FAM178B: variants seen among roughly 807,000 people sequenced by gnomAD.
The protein encoded by FAM178B is family with sequence similarity 178 member B.
FAM178B carries 82 observed loss-of-function variants against 91.7 expected under a neutral mutation model. The observed-to-expected ratio is 0.89, with a 90% CI of 0.75 to 1.07. The LOEUF (loss-of-function observed/expected upper bound fraction) is 1.07. Ranked by LOEUF, FAM178B falls within the 50% of genes least tolerant of loss-of-function variation. The pLI, the probability that FAM178B is intolerant of heterozygous loss-of-function variation, is 0.00. For synonymous variants in FAM178B, 368 were observed against 359.4 expected (o/e 1.02, Z -0.27); for missense variants, 769 against 846.7 (o/e 0.91, Z 1.14).
At chr2:96,934,811 T>C (rs2081598049) in intron 8 of FAM178B, among the ~76,000 whole-genome samples, 2 of 152,074 alleles carry the variant, frequency 1.3e-5, no homozygotes, top group Admixed American at 6.6e-5. Flanking sequence ...GCTCTGAGGG[T>C]GCCTTTCTTT....
chr2:96,932,784 A>G (rs2081561697), intron 8 of FAM178B, among the ~76,000 whole-genome samples: 1 of 151,350 alleles, frequency 6.6e-6, no homozygotes, highest in Non-Finnish European at 1.5e-5. Context: ...CTAAAAATAC[A>G]AAAAAATTAG....
rs749570709 is a variant in FAM178B, at chr2:96,972,123, G to A, written c.342C>T (p.Pro114=). The part of the protein sequence containing the change: ...ETFPTDWSPP[P]VEFLNPRVLQ... ...GCACCCTCGGGTTGAGGAATTCCAC[G>A]GGCGGGGGGCTCCAGTCAGTGGGAA... is the stretch of plus-strand genomic sequence containing the variant. The change falls in exon 3 of 17, where the codon CCC becomes CCT. Residue 114 remains proline, a synonymous_variant. Coordinates refer to ENST00000490605, the MANE Select transcript of FAM178B (RefSeq NM_001122646.3). 7.5e-5 allele frequency: 115 copies of A among 1,525,002 alleles called. No homozygotes were observed. The highest frequency in any genetic ancestry group is 8.7e-5 in the Non-Finnish European group (99 of 1,134,350). 94.5% of individuals were successfully genotyped at this position (1,525,002 alleles called of 1,614,324 possible).
intron 6 of FAM178B, 92 bp downstream of exon 6, chr2:96,960,196 C>A: frequency 7.1e-7 from 1 of 1,415,624 alleles, no homozygotes; most frequent in Non-Finnish European, 9.5e-7. Flanking sequence ...CTTCGAACTT[C>A]CCCCTTTGGG....
intron 9 of FAM178B, among the ~76,000 whole-genome samples, chr2:96,927,885 T>C (rs1204713610): frequency 2.0e-5 from 3 of 152,204 alleles, no homozygotes; most frequent in Admixed American, 6.5e-5. Flanking sequence ...GACGTTCATT[T>C]GTCTTTCTGA....
chr2:96,950,794 G>A (rs113852971), intron 7 of FAM178B, among the ~76,000 whole-genome samples: 4 of 152,214 alleles, frequency 2.6e-5, no homozygotes, highest in Non-Finnish European at 4.4e-5. Flanking sequence ...AGCACAGCCA[G>A]AGCAGCCGTT....
chr2:96,876,678 G>C (rs1038927306), intron 16 of FAM178B, among the ~76,000 whole-genome samples: 3 of 152,138 alleles, frequency 2.0e-5, no homozygotes, highest in Non-Finnish European at 4.4e-5. Context: ...CCTGTGGCCA[G>C]TGTGTCAGAC....
chr2:96,928,577 A>G (rs1183760348), intron 9 of FAM178B, among the ~76,000 whole-genome samples: 1 of 152,138 alleles, frequency 6.6e-6, no homozygotes. Flanking sequence ...GGGCCAAACA[A>G]GCGGCTTGAA....
Position 96,923,593 on chromosome 2 carries a change from G to C in FAM178B, c.1194-10C>G. 1 of 1,549,812 alleles carries C rather than the reference G, an allele frequency of 6.5e-7. No homozygotes were observed. Among genetic ancestry groups the C allele is most frequent in the Non-Finnish European group, 8.7e-7 (1 of 1,145,314 alleles). On this transcript the variant is annotated splice_polypyrimidine_tract_variant and intron_variant, in intron 9 of 16. Coordinates refer to ENST00000490605, the MANE Select transcript of FAM178B (RefSeq NM_001122646.3). ...CTCGCCTGGAAGCACCCTGTGGTAA[G>C]ACAACAACAGTGACGATGGGAAACC...
chr2:96,897,464 T>G (rs1268125684), intron 13 of FAM178B, among the ~76,000 whole-genome samples: 1 of 152,236 alleles, frequency 6.6e-6, no homozygotes, highest in African/African-American at 2.4e-5. Flanking sequence ...AGGTTTACTG[T>G]GTTGCAAGAA....
At chr2:96,909,363 C>T (rs1226654006) in intron 12 of FAM178B, among the ~76,000 whole-genome samples, 8 of 152,134 alleles carry the variant, frequency 5.3e-5, no homozygotes, top group African/African-American at 1.9e-4. Flanking sequence ...CCTTCTGGGA[C>T]TTCCACTCAA....
In FAM178B at chr2:96,986,524, A is replaced by T. The variant is rs1488678320; in HGVS notation, c.-211T>A. ...GGGGATTGAGTTCCGACTCCAAACC[A>T]AGCGGCCAGCTCACAGCCGCCGCCG... is the stretch of plus-strand genomic sequence containing the variant. On this transcript the variant is annotated 5_prime_UTR_variant, in exon 1 of 17. Coordinates refer to ENST00000490605, the MANE Select transcript of FAM178B (RefSeq NM_001122646.3). 2.5e-5 allele frequency: 15 copies of T among 595,578 alleles called. No homozygotes were observed. In the Admixed American group the frequency reaches 5.0e-4, roughly 20 times the overall value. 36.9% of individuals were successfully genotyped at this position (595,578 alleles called of 1,614,324 possible). A position where few individuals can be genotyped will look rare whatever the true frequency, so the allele number is the denominator to read the frequency against.
chr2:96,974,881 A>C (rs1388778958), intron 1 of FAM178B, among the ~76,000 whole-genome samples: 3 of 152,028 alleles, frequency 2.0e-5, no homozygotes, highest in Non-Finnish European at 4.4e-5. Context: ...ACTTGAGGTC[A>C]AGAGTTCGAG....
rs747969562 is a variant in FAM178B at position 96,972,340 on chromosome 2, T to A, written c.143-18A>T. The A allele has an allele frequency of 1.6e-5, 24 of 1,467,872 alleles. No individual in the cohort carries two copies. The highest frequency in any genetic ancestry group is 2.1e-5 in the Non-Finnish European group (23 of 1,106,598). 90.9% of individuals were successfully genotyped at this position (1,467,872 alleles called of 1,614,324 possible). A position where few individuals can be genotyped will look rare whatever the true frequency, so the allele number is the denominator to read the frequency against. On this transcript the variant is annotated intron_variant, in intron 2 of 16. Coordinates refer to ENST00000490605, the MANE Select transcript of FAM178B (RefSeq NM_001122646.3). ...CTGCACCCCTGCAGACAGGACAGAA[T>A]ACTGTGGTCCCTCTGCCCACCTGCC... is the stretch of plus-strand genomic sequence containing the variant.
Position 96,986,535 on chromosome 2 carries a change from T to TCACAGC in FAM178B, c.-228_-223dup. ...TCCGACTCCAAACCAAGCGGCCAGC[T>TCACAGC]CACAGCCGCCGCCGCCGCCAGCTGG... On this transcript the variant is annotated 5_prime_UTR_variant, in exon 1 of 17. Transcript: ENST00000490605. 3.5e-6 allele frequency: 2 copies of TCACAGC among 566,954 alleles called. No homozygotes were observed. Among genetic ancestry groups the TCACAGC allele is most frequent in the South Asian group, 2.1e-5 (1 of 47,138 alleles). The allele number at this position is 566,954 out of a possible 1,614,324, so 35.1% of individuals were successfully genotyped here. A position where few individuals can be genotyped will look rare whatever the true frequency, so the allele number is the denominator to read the frequency against.
chr2:96,893,962 C>T lies in FAM178B; in HGVS notation c.1740G>A (p.Glu580=), dbSNP rs2080745810. Residue 580 remains glutamate (E), a synonymous_variant, in exon 14 of 17, where the codon GAG becomes GAA. Coordinates refer to ENST00000490605, the MANE Select transcript of FAM178B (RefSeq NM_001122646.3). The part of the protein sequence containing the change: ...LDSVPLPPCQ[E]QQPKASAELD... ...GCTCGGCACTAGCCTTTGGCTGTTG[C>T]TCCTGGCAGGGTGGCAAGGGCACAG... The T allele has an allele frequency of 1.9e-6, 3 of 1,612,910 alleles. No homozygotes were observed. Among genetic ancestry groups the T allele is most frequent in the South Asian group, 2.2e-5 (2 of 91,078 alleles).
chr2:96,879,964 A>G (rs2153367170), intron 14 of FAM178B, among the ~76,000 whole-genome samples: 1 of 152,356 alleles, frequency 6.6e-6, no homozygotes, highest in African/African-American at 2.4e-5. Flanking sequence ...GTCTTGCAAC[A>G]GCTCACTGCC....
intron 12 of FAM178B, among the ~76,000 whole-genome samples, chr2:96,918,067 A>G (rs1030208832): frequency 3.3e-5 from 5 of 152,028 alleles, no homozygotes; most frequent in African/African-American, 7.3e-5. Context: ...CGTCTTCCAC[A>G]TGGAAAGATT....
At chr2:96,978,975 T>TC (rs70964893) in intron 1 of FAM178B, among the ~76,000 whole-genome samples, 67,765 of 91,106 alleles carry the variant, frequency 0.74, 22,683 homozygotes, top group Non-Finnish European at 0.8. Context: ...TATGTATCAC[T>TC]TTTTTTTTTT....
intron 12 of FAM178B, 82 bp downstream of exon 12, chr2:96,921,083 T>C: frequency 7.6e-6 from 9 of 1,176,778 alleles, no homozygotes; most frequent in Middle Eastern, 2.3e-4. Context: ...TTGTTGGGGC[T>C]GATGGGGAGG....
Sources: gnomAD v4.1 joint callset for allele counts (sites outside exome capture counted in the v4.1 genomes callset) on GRCh38, gnomAD v4.1.1 for gene constraint, MANE v1.5 for transcripts, NCBI Gene and HGNC (gene_info 2026-07-23, HGNC 2026-07-21) for gene names.